The following UNC13C variants were observed in gnomAD, a reference collection of about 807,000 sequenced individuals.
UNC13C encodes protein unc-13 homolog C.
UNC13C carries 174 observed loss-of-function variants against 245.4 expected under a neutral mutation model. The observed-to-expected ratio is 0.71, with a 90% CI of 0.63 to 0.80. The LOEUF is 0.80. UNC13C is among the 30% of genes least tolerant of loss of function. The pLI, the probability that UNC13C is intolerant of heterozygous loss-of-function variation, is 0.00. For missense variants in UNC13C, 2,829 were observed against 2,602.9 expected (o/e 1.09, Z -1.89); for synonymous variants, 992 against 895.1 (o/e 1.11, Z -1.93).
At chr15:53,933,455 A>G in the UNC13C span, among the ~76,000 whole-genome samples, 1 of 152,192 alleles carries the variant, frequency 6.6e-6, no homozygotes, top group African/African-American at 2.4e-5. Context: ...ATGTGGTTAG[A>G]CATTTAAATA....
chr15:54,552,589 T>G (rs1473211955), intron 28 of UNC13C, among the ~76,000 whole-genome samples: 1 of 26,242 alleles, frequency 3.8e-5, no homozygotes, highest in Non-Finnish European at 7.2e-5. Context: ...TATTATATTG[T>G]ACAATATATA....
upstream of UNC13C, among the ~76,000 whole-genome samples, chr15:53,974,395 C>A (rs1015918599): frequency 6.6e-6 from 1 of 152,218 alleles, no homozygotes; most frequent in African/African-American, 2.4e-5. Flanking sequence ...ATTATTCACT[C>A]ACTCATCAAC....
the UNC13C span, among the ~76,000 whole-genome samples, chr15:53,935,010 A>G: frequency 1.3e-5 from 2 of 152,142 alleles, no homozygotes; most frequent in African/African-American, 2.4e-5. Context: ...TCTCATATCT[A>G]TTTTACATAT....
chr15:54,470,086 C>T (rs1392102485), intron 19 of UNC13C, among the ~76,000 whole-genome samples: 1 of 151,552 alleles, frequency 6.6e-6, no homozygotes, highest in African/African-American at 2.4e-5. Context: ...ATTGTACCAT[C>T]CTTGCATCCC....
intron 7 of UNC13C, among the ~76,000 whole-genome samples, chr15:54,238,473 A>G (rs1596063852): frequency 2.0e-5 from 3 of 152,174 alleles, no homozygotes; most frequent in Non-Finnish European, 4.4e-5. Flanking sequence ...GAATTATTAT[A>G]TCCCACAGGT....
upstream of UNC13C, among the ~76,000 whole-genome samples, chr15:53,973,634 C>T (rs1280154470): frequency 1.3e-5 from 2 of 151,100 alleles, no homozygotes; most frequent in African/African-American, 4.9e-5. Flanking sequence ...TTGAGGTCAT[C>T]CAAATGCTGT....
chr15:54,090,493 A>C (rs1232426483), intron 2 of UNC13C, among the ~76,000 whole-genome samples: 2 of 152,172 alleles, frequency 1.3e-5, no homozygotes, highest in Non-Finnish European at 2.9e-5. Context: ...AGCTTACCAA[A>C]GATAGATCAA....
At chr15:54,320,271 A>C (rs1278277137) in intron 13 of UNC13C, among the ~76,000 whole-genome samples, 2 of 152,020 alleles carry the variant, frequency 1.3e-5, no homozygotes, top group African/African-American at 2.4e-5. Flanking sequence ...TTGAGGAAGT[A>C]GGGAAACTCC....
intron 30 of UNC13C, among the ~76,000 whole-genome samples, chr15:54,588,346 C>T (rs1158966264): frequency 6.6e-6 from 1 of 152,184 alleles, no homozygotes; most frequent in Non-Finnish European, 1.5e-5. Flanking sequence ...CTACGTGTAA[C>T]ATTAAGTAAT....
chr15:54,302,657 T>C (rs1336273185), intron 13 of UNC13C, among the ~76,000 whole-genome samples: 6 of 152,184 alleles, frequency 3.9e-5, no homozygotes, highest in Non-Finnish European at 1.5e-5. Flanking sequence ...TCTATATCTG[T>C]GTTGGTACCA....
At chr15:54,195,249 G>C (rs539328363) in intron 4 of UNC13C, among the ~76,000 whole-genome samples, 2 of 152,254 alleles carry the variant, frequency 1.3e-5, no homozygotes, top group South Asian at 4.1e-4. Flanking sequence ...CTCTAAGAAG[G>C]AGCCAGGTTT....
At chr15:54,043,436 G>A (rs1159631404) in intron 2 of UNC13C, among the ~76,000 whole-genome samples, 4 of 152,126 alleles carry the variant, frequency 2.6e-5, no homozygotes, top group Non-Finnish European at 2.9e-5. Context: ...TTTAGCAGCC[G>A]TTTATTTTTA....
chr15:54,388,743 G>C (rs2039891060), intron 17 of UNC13C, among the ~76,000 whole-genome samples: 1 of 151,776 alleles, frequency 6.6e-6, no homozygotes, highest in African/African-American at 2.4e-5. Context: ...TTTTCTCCAA[G>C]GTTTTGTCTG....
chr15:54,577,855 A>C (rs1486574760), intron 30 of UNC13C, among the ~76,000 whole-genome samples: 1 of 152,180 alleles, frequency 6.6e-6, no homozygotes. Context: ...AAATCTTTAG[A>C]GTTTTGCCAG....
intron 30 of UNC13C, among the ~76,000 whole-genome samples, chr15:54,615,099 T>G (rs761370285): frequency 1.3e-5 from 2 of 152,022 alleles, no homozygotes; most frequent in Non-Finnish European, 2.9e-5. Flanking sequence ...TTAGCCACTT[T>G]TTAAATTTTT....
At chr15:53,919,446 C>T in the UNC13C span, among the ~76,000 whole-genome samples, 1 of 152,156 alleles carries the variant, frequency 6.6e-6, no homozygotes, top group Admixed American at 6.5e-5. Context: ...GAATTAACTT[C>T]CTAATTGGAA....
chr15:54,057,367 C>A (rs2141067378), intron 2 of UNC13C, among the ~76,000 whole-genome samples: 1 of 150,952 alleles, frequency 6.6e-6, no homozygotes, highest in Admixed American at 6.6e-5. Context: ...ACAAAGAAGG[C>A]CATTACATAA....
At chr15:54,223,961 G>A (rs745898702) in intron 4 of UNC13C, among the ~76,000 whole-genome samples, 36 of 152,172 alleles carry the variant, frequency 2.4e-4, no homozygotes, top group Non-Finnish European at 3.8e-4. Flanking sequence ...ATATAAAAAT[G>A]CTACTGATTT....
the UNC13C span, among the ~76,000 whole-genome samples, chr15:53,963,108 C>G: frequency 2.0e-5 from 3 of 152,262 alleles, no homozygotes; most frequent in African/African-American, 4.8e-5. Flanking sequence ...GACCCTTCAG[C>G]TGGGCACAAA....
Sources: allele counts gnomAD v4.1 joint callset (sites outside exome capture counted in the v4.1 genomes callset), GRCh38; gene constraint gnomAD v4.1.1; transcripts MANE v1.5; gene names NCBI Gene and HGNC (gene_info 2026-07-23, HGNC 2026-07-21).